ATE1: variants seen among roughly 807,000 people sequenced by gnomAD.
ATE1 encodes the protein arginyltransferase 1, also known as arginyl-tRNA--protein transferase 1.
ATE1 carries 36 observed loss-of-function variants against 70.5 expected under a neutral mutation model. The observed-to-expected ratio is 0.51, with a 90% CI of 0.39 to 0.67. The LOEUF (loss-of-function observed/expected upper bound fraction) is 0.67, where lower values mean the gene tolerates loss of function less well. Ranked by LOEUF, ATE1 falls within the 30% of genes least tolerant of loss-of-function variation. ATE1 has a pLI of 0.00. For synonymous variants in ATE1, 232 were observed against 219.3 expected (o/e 1.06, Z -0.51); for missense variants, 593 against 629.5 (o/e 0.94, Z 0.62).
intron 8 of ATE1, among the ~76,000 whole-genome samples, chr10:121,859,222 C>A (rs116209051): frequency 0.014 from 2,106 of 152,126 alleles, 43 homozygotes; most frequent in African/African-American, 0.048. Flanking sequence ...TCTCCCATTT[C>A]TCCCTATGAA....
rs114408300 is a variant in ATE1, at chr10:121,777,180, C to A, written c.1378+12989G>T. Reference sequence around the variant, plus strand: ...GCCTAGTCACAAAGCTAATGACTGGCGGGACTAGAAAACTTGCCTTTAGAT... The same window carrying A: ...GCCTAGTCACAAAGCTAATGACTGGAGGGACTAGAAAACTTGCCTTTAGAT... On this transcript the variant is annotated intron_variant, in intron 11 of 11. Transcript: ENST00000224652. Among the ~76,000 whole-genome samples the A allele has an allele frequency of 9.3e-3, 1,421 of 152,196 alleles. 25 individuals carry two copies. The highest frequency in any genetic ancestry group is 0.032 in the African/African-American group (1,322 of 41,520).
chr10:121,843,199 A>T (rs1948695436), intron 8 of ATE1, among the ~76,000 whole-genome samples: 1 of 152,188 alleles, frequency 6.6e-6, no homozygotes, highest in South Asian at 2.1e-4. Context: ...AATTTGGAAT[A>T]CCATTTGCAA....
intron 7 of ATE1, among the ~76,000 whole-genome samples, chr10:121,871,524 T>C (rs149723501): frequency 6.6e-6 from 1 of 152,140 alleles, no homozygotes; most frequent in East Asian, 1.9e-4. Flanking sequence ...GGACAAGAGA[T>C]TAGGGTTCAT....
At chr10:121,832,878 A>G (rs769084072) in intron 10 of ATE1, among the ~76,000 whole-genome samples, 2 of 152,196 alleles carry the variant, frequency 1.3e-5, no homozygotes, top group African/African-American at 2.4e-5. Context: ...TTTCCCCAGC[A>G]TCTAAACTAA....
chr10:121,894,443 G>T (rs1950698109), intron 7 of ATE1, among the ~76,000 whole-genome samples: 1 of 152,172 alleles, frequency 6.6e-6, no homozygotes, highest in Admixed American at 6.5e-5. Context: ...ACATGGAGTG[G>T]CTCTACTAAG....
chr10:121,793,770 A>G (rs922283104), intron 10 of ATE1, among the ~76,000 whole-genome samples: 9 of 152,172 alleles, frequency 5.9e-5, no homozygotes, highest in Non-Finnish European at 5.9e-5. Context: ...CCAAGTTTAT[A>G]TATCTTCTGA....
chr10:121,755,802 T>TA (rs1160913721), intron 11 of ATE1, among the ~76,000 whole-genome samples: 1 of 152,168 alleles, frequency 6.6e-6, no homozygotes. Flanking sequence ...AACTCACCAC[T>TA]GGGTCCCTCC....
chr10:121,919,991 C>A (rs1315483915), intron 3 of ATE1, among the ~76,000 whole-genome samples: 1 of 151,518 alleles, frequency 6.6e-6, no homozygotes, highest in South Asian at 2.1e-4. Flanking sequence ...GGTTTGCAAC[C>A]CAAAAACAAG....
chr10:121,928,309 G>A, upstream of ATE1: 1 of 1,508,756 alleles, frequency 6.6e-7, no homozygotes, highest in African/African-American at 1.4e-5. Flanking sequence ...TGTGCGGGGC[G>A]CGGCGGCCGC....
chr10:121,911,115 G>A lies in ATE1; in HGVS notation c.374C>T (p.Ala125Val), dbSNP rs377134416. The change falls in exon 5 of 12, where the codon GCG becomes GTG. Residue 125 changes from alanine (A) to valine (V), a missense_variant. This residue lies in a region of ATE1 where 467 missense variants were observed against 469.6 expected (regional missense o/e 0.99). Coordinates refer to ENST00000224652, the MANE Select transcript of ATE1 (RefSeq NM_001001976.3). ...TTTATTTATCAATGCAAAGTCACCCGCAACAGCATCATCCATTGTGGAATC... is the reference window on the plus strand; with the variant it reads ...TTTATTTATCAATGCAAAGTCACCCACAACAGCATCATCCATTGTGGAATC... Reference protein sequence around the residue: ...PMDSTMDDAVAGDFALINKLD... With the variant: ...PMDSTMDDAVVGDFALINKLD... 8.8e-5 allele frequency: 142 copies of A among 1,608,980 alleles called. No individual in the cohort carries two copies. The highest frequency in any genetic ancestry group is 1.2e-4 in the Admixed American group (7 of 58,320).
chr10:121,784,040 G>A (rs370308100), intron 11 of ATE1, among the ~76,000 whole-genome samples: 1 of 152,168 alleles, frequency 6.6e-6, no homozygotes, highest in Non-Finnish European at 1.5e-5. Flanking sequence ...TCACAGGTGT[G>A]AGCCACCTTG....
chr10:121,823,209 G>C (rs540104148), intron 10 of ATE1, among the ~76,000 whole-genome samples: 2 of 152,118 alleles, frequency 1.3e-5, no homozygotes, highest in Non-Finnish European at 2.9e-5. Flanking sequence ...AGAATGACAT[G>C]AACCCGGGAG....
At chr10:121,885,386 G>A (rs1457042104) in intron 7 of ATE1, among the ~76,000 whole-genome samples, 6 of 151,012 alleles carry the variant, frequency 4.0e-5, no homozygotes, top group African/African-American at 1.2e-4. Context: ...TGGCTAACAC[G>A]GTGAAACTCC....
intron 10 of ATE1, among the ~76,000 whole-genome samples, chr10:121,828,180 ACT>A (rs1948099645): frequency 6.6e-6 from 1 of 152,104 alleles, no homozygotes; most frequent in Non-Finnish European, 1.5e-5. Flanking sequence ...CTTTGCCAAA[ACT>A]CTTACATTAC....
chr10:121,828,901 T>C (rs1486987759), intron 10 of ATE1, among the ~76,000 whole-genome samples: 2 of 152,190 alleles, frequency 1.3e-5, no homozygotes, highest in African/African-American at 2.4e-5. Flanking sequence ...ACAATAAATA[T>C]ATGGTGAAGA....
chr10:121,914,474 C>T (rs1168529402), intron 3 of ATE1, among the ~76,000 whole-genome samples: 1 of 150,298 alleles, frequency 6.7e-6, no homozygotes, highest in South Asian at 2.1e-4. Context: ...GCTGTTTTAA[C>T]AGACCAAAGA....
At chr10:121,832,262 TA>T (rs1427407638) in intron 10 of ATE1, among the ~76,000 whole-genome samples, 1 of 152,218 alleles carries the variant, frequency 6.6e-6, no homozygotes, top group African/African-American at 2.4e-5. Flanking sequence ...TGGAGCAAAC[TA>T]ACCATTTTAT....
chr10:121,888,463 AG>A (rs1950476509), intron 7 of ATE1, among the ~76,000 whole-genome samples: 4 of 152,190 alleles, frequency 2.6e-5, no homozygotes, highest in Non-Finnish European at 5.9e-5. Flanking sequence ...GAGCAAACCA[AG>A]TGACAACAGA....
At chr10:121,913,161 G>T (rs1456943554) in intron 4 of ATE1, among the ~76,000 whole-genome samples, 1 of 152,130 alleles carries the variant, frequency 6.6e-6, no homozygotes, top group East Asian at 1.9e-4. Context: ...TTACAGGCGT[G>T]AGCCACTGCC....
Sources: allele counts gnomAD v4.1 joint callset (sites outside exome capture counted in the v4.1 genomes callset), GRCh38; gene constraint gnomAD v4.1.1; regional missense constraint gnomAD v4.1.1; transcripts MANE v1.5; gene names NCBI Gene and HGNC (gene_info 2026-07-23, HGNC 2026-07-21).